The following ANLN variants were observed in gnomAD, a reference collection of about 807,000 sequenced individuals.
ANLN encodes the protein anillin, actin binding protein, also known as anillin.
A neutral mutation model predicts 135.1 loss-of-function variants in ANLN; 59 were observed. That is an observed-to-expected ratio of 0.44 (90% CI 0.35 to 0.54). The LOEUF is 0.54. ANLN is among the 20% of genes least tolerant of loss of function. ANLN has a pLI of 0.00. For missense variants in ANLN, 1,182 were observed against 1,340.0 expected (o/e 0.88, Z 1.84); for synonymous variants, 406 against 456.4 (o/e 0.89, Z 1.41).
intron 7 of ANLN, among the ~76,000 whole-genome samples, chr7:36,414,767 C>T (rs1294069448): frequency 6.6e-6 from 1 of 152,158 alleles, no homozygotes; most frequent in Admixed American, 6.5e-5. Flanking sequence ...TTTTACACAA[C>T]CAAAGCTGCT....
chr7:36,420,621 A>G lies in ANLN; in HGVS notation c.2040A>G (p.Arg680=). Residue 680 remains arginine (R), a synonymous_variant, in exon 12 of 24, where the codon AGA becomes AGG. Coordinates refer to ENST00000265748, the MANE Select transcript of ANLN (RefSeq NM_018685.5). ...GCATTGATGCATATAGATCTCAAAG[A>G]TTCAAAGAAACAGAACGTCCATCAA... ...LYSIDAYRSQ[R]FKETERPSIK... 2 of 1,613,506 alleles carry G rather than the reference A, an allele frequency of 1.2e-6. No individual in the cohort carries two copies. The highest frequency in any genetic ancestry group is 1.7e-6 in the Non-Finnish European group (2 of 1,179,436).
At chr7:36,446,284 C>T (rs1372623164) in intron 22 of ANLN, among the ~76,000 whole-genome samples, 3 of 152,152 alleles carry the variant, frequency 2.0e-5, no homozygotes, top group Non-Finnish European at 2.9e-5. Flanking sequence ...TTTTATACTT[C>T]ACATTTAATT....
At chr7:36,421,458 T>A (rs1787873538) in intron 12 of ANLN, among the ~76,000 whole-genome samples, 1 of 151,982 alleles carries the variant, frequency 6.6e-6, no homozygotes, top group African/African-American at 2.4e-5. Flanking sequence ...GCTCAAATGA[T>A]TCTTGTGCCT....
At position 36,406,200 on chromosome 7, in the gene ANLN, A is replaced by C. The variant is rs1248958020; in HGVS notation, c.507A>C (p.Ser169=). ...TTTCAGATGACATTCCTGAAAGCTC[A>C]CTCTTCTCACCAATGCCATCAGAGG... The part of the protein sequence containing the change: ...DDMTDDIPES[S]LFSPMPSEEK... Residue 169 remains serine, a synonymous_variant, in exon 4 of 24, where the codon TCA becomes TCC. Coordinates refer to ENST00000265748, the MANE Select transcript of ANLN (RefSeq NM_018685.5). The C allele has an allele frequency of 4.4e-6, 7 of 1,594,454 alleles. No individual in the cohort carries two copies. The highest frequency in any genetic ancestry group is 6.0e-6 in the Non-Finnish European group (7 of 1,166,758).
At chr7:36,452,450 G>T in intron 23 of ANLN, 27 bp from the exon 24 acceptor site, 2 of 1,613,512 alleles carry the variant, frequency 1.2e-6, no homozygotes, top group Non-Finnish European at 1.7e-6. Flanking sequence ...GAAGAATTCT[G>T]ACCTCTTTGG....
chr7:36,445,275 T>C (rs1201950515), intron 22 of ANLN, among the ~76,000 whole-genome samples: 1 of 151,484 alleles, frequency 6.6e-6, no homozygotes, highest in Non-Finnish European at 1.5e-5. Flanking sequence ...AATGAGCATT[T>C]CCTTTGAGCA....
rs1181175753 is a variant in ANLN at position 36,424,728 on chromosome 7, A to G, written c.2695A>G (p.Thr899Ala). The change falls in exon 17 of 24, where the codon ACA (threonine) becomes GCA (alanine). Residue 899 changes from threonine (T) to alanine (A), a missense_variant. Thr to Ala is a moderately conservative substitution (Grantham distance 58). Transcript: ENST00000265748. ...CTCAGGCCTTGATAAGAAGAAAAAA[A>G]CATCCAAGTCCAAGGTGAGAATTAA... ...DPSGLDKKKKTSKSKAITPKR... is the reference protein window; with the variant it reads ...DPSGLDKKKKASKSKAITPKR... 3 of 1,612,454 alleles carry G rather than the reference A, an allele frequency of 1.9e-6. No homozygotes were observed. The highest frequency in any genetic ancestry group is 1.3e-5 in the African/African-American group (1 of 75,018).
chr7:36,426,630 C>G (rs969620357), intron 19 of ANLN, among the ~76,000 whole-genome samples: 1 of 152,094 alleles, frequency 6.6e-6, no homozygotes, highest in African/African-American at 2.4e-5. Context: ...ATAACTAGCA[C>G]TGAAGTCTTT....
Position 36,396,325 on chromosome 7 carries a change from G to A in ANLN, c.78G>A (p.Arg26=). 1 of 1,608,266 alleles carries A rather than the reference G, an allele frequency of 6.2e-7. No individual in the cohort carries two copies. The highest frequency in any genetic ancestry group is 8.5e-7 in the Non-Finnish European group (1 of 1,175,708). ...RENLQRKMAE[R]PTAAPRSMTH... is the part of the protein sequence containing the mutation. ...ATCTTCAGAGAAAAATGGCTGAGAG[G>A]CCCACAGCAGCTCCAAGGTCTATGA... Residue 26 remains arginine (R), a synonymous_variant, in exon 2 of 24, where the codon AGG becomes AGA. Coordinates refer to ENST00000265748, the MANE Select transcript of ANLN (RefSeq NM_018685.5).
chr7:36,422,104 C>A, intron 13 of ANLN, 112 bp downstream of exon 13: 2 of 1,186,996 alleles, frequency 1.7e-6, no homozygotes, highest in Non-Finnish European at 2.3e-6. Flanking sequence ...GTCATCTGTT[C>A]CAGTGGATCT....
chr7:36,428,729 G>A (rs1370708690), intron 20 of ANLN, among the ~76,000 whole-genome samples: 4 of 149,672 alleles, frequency 2.7e-5, no homozygotes, highest in Non-Finnish European at 5.9e-5. Flanking sequence ...CAATATTTTT[G>A]ACCTGTATAC....
chr7:36,428,048 A>T (rs979759913), intron 20 of ANLN, among the ~76,000 whole-genome samples: 2 of 152,306 alleles, frequency 1.3e-5, no homozygotes, highest in African/African-American at 4.8e-5. Context: ...AAGTCACCTC[A>T]TCTCTCTAGG....
intron 20 of ANLN, among the ~76,000 whole-genome samples, chr7:36,435,613 C>T (rs1788502717): frequency 6.6e-6 from 1 of 151,996 alleles, no homozygotes; most frequent in Admixed American, 6.6e-5. Flanking sequence ...GTGGCTCACG[C>T]CTGTAATCCC....
chr7:36,435,945 C>T (rs1385636379), intron 20 of ANLN, among the ~76,000 whole-genome samples: 1 of 130,692 alleles, frequency 7.7e-6, no homozygotes, highest in Non-Finnish European at 1.6e-5. Flanking sequence ...TCATTGTTTT[C>T]AAAAAATAAT....
chr7:36,419,372 G>C lies in ANLN; in HGVS notation c.1762G>C (p.Asp588His). 2 of 1,614,118 alleles carry C rather than the reference G, an allele frequency of 1.2e-6. No homozygotes were observed. The highest frequency in any genetic ancestry group is 1.7e-6 in the Non-Finnish European group (2 of 1,180,020). Residue 588 changes from aspartate to histidine, a missense_variant, in exon 10 of 24, where the codon GAT becomes CAT. Around this residue, in one of 3 missense-constraint regions of ANLN, gnomAD observed 1,022 missense variants for 1,134.0 expected, o/e 0.90. Transcript: ENST00000265748. The part of the protein sequence containing the change: ...LDMEKSQEEM[D>H]QALAESSEEQ... ...TATGGAGAAGAGCCAAGAGGAGATGGATCAAGCATTAGCAGAAAGCAGCGA... is the reference window on the plus strand; with the variant it reads ...TATGGAGAAGAGCCAAGAGGAGATGCATCAAGCATTAGCAGAAAGCAGCGA...
intron 12 of ANLN, among the ~76,000 whole-genome samples, chr7:36,421,473 C>T (rs1251838686): frequency 6.6e-6 from 1 of 152,064 alleles, no homozygotes; most frequent in African/African-American, 2.4e-5. Context: ...GTGCCTTGGA[C>T]TCCCAAAGTG....
chr7:36,420,984 T>C (rs1253737723), intron 12 of ANLN, among the ~76,000 whole-genome samples: 3 of 152,222 alleles, frequency 2.0e-5, no homozygotes, highest in African/African-American at 7.2e-5. Flanking sequence ...AAGTTTTTCA[T>C]AAATATCCTT....
Position 36,411,083 on chromosome 7 carries a change from C to CT in ANLN, c.1314dup (p.Arg439SerfsTer5). The CT allele has an allele frequency of 6.2e-7, 1 of 1,609,252 alleles. No homozygotes were observed. The highest frequency in any genetic ancestry group is 8.5e-7 in the Non-Finnish European group (1 of 1,179,012). On this transcript the variant is annotated frameshift_variant, in exon 7 of 24. Transcript: ENST00000265748. LOFTEE classifies it high-confidence loss of function. Reference sequence around the variant, plus strand: ...GGAACGTCAAAAAGAACTAGCATGTCTTCGTGGCCGATTTGACAAGGGCAA... The same window carrying CT: ...GGAACGTCAAAAAGAACTAGCATGTCTTTCGTGGCCGATTTGACAAGGGCAA...
chr7:36,422,996 C>T (rs573057727), intron 14 of ANLN, among the ~76,000 whole-genome samples, 187 bp downstream of exon 14: 20 of 152,200 alleles, frequency 1.3e-4, no homozygotes, highest in Admixed American at 3.9e-4. Context: ...CCAATCTACA[C>T]AATAATGGAC....
Sources: gnomAD v4.1 joint callset for allele counts (sites outside exome capture counted in the v4.1 genomes callset) on GRCh38, gnomAD v4.1.1 for gene constraint, gnomAD v4.1.1 regional missense constraint, MANE v1.5 for transcripts, NCBI Gene and HGNC (gene_info 2026-07-23, HGNC 2026-07-21) for gene names.